The following PKHD1 variants were observed in gnomAD, a reference collection of about 807,000 sequenced individuals.
PKHD1 encodes the protein fibrocystin.
A neutral mutation model predicts 412.0 loss-of-function variants in PKHD1; 291 were observed. The observed-to-expected ratio is 0.71, with a 90% CI of 0.64 to 0.78. The LOEUF is 0.78. PKHD1 is among the 30% of genes least tolerant of loss of function. The pLI, the probability that PKHD1 is intolerant of heterozygous loss-of-function variation, is 0.00. For synonymous variants in PKHD1, 1,777 were observed against 1,821.5 expected (o/e 0.98, Z 0.62); for missense variants, 4,825 against 4,950.7 (o/e 0.97, Z 0.76).
chr6:51,976,777 G>A (rs560191427), intron 35 of PKHD1, among the ~76,000 whole-genome samples: 21 of 152,008 alleles, frequency 1.4e-4, no homozygotes, highest in African/African-American at 4.3e-4. Context: ...GTGAAACCCC[G>A]TTTCTACTAA....
At chr6:51,790,487 TG>T (rs1793571581) in intron 53 of PKHD1, among the ~76,000 whole-genome samples, 1 of 152,162 alleles carries the variant, frequency 6.6e-6, no homozygotes, top group Admixed American at 6.5e-5. Flanking sequence ...ACTGATTCTC[TG>T]GTCCTTCCAC....
chr6:51,829,947 T>C (rs1767964735), intron 52 of PKHD1, among the ~76,000 whole-genome samples: 1 of 152,182 alleles, frequency 6.6e-6, no homozygotes, highest in Non-Finnish European at 1.5e-5. Flanking sequence ...TTTCTCTGTC[T>C]GTAAAAGTGG....
rs757650951 is a variant in PKHD1 at position 51,754,805 on chromosome 6, G to C, written c.8776C>G (p.Arg2926Gly). The C allele has an allele frequency of 5.0e-6, 8 of 1,613,316 alleles. No individual in the cohort carries two copies. Among genetic ancestry groups the C allele is most frequent in the Non-Finnish European group, 6.8e-6 (8 of 1,179,566 alleles). ...VKGHHVRIYERLKHRHIGSVH... is the reference protein window; with the variant it reads ...VKGHHVRIYEGLKHRHIGSVH... ...TTACCAATATGCCGGTGTTTGAGCCGTTCATAGATCCTCACATGGTGGCCC... is the reference window on the plus strand; with the variant it reads ...TTACCAATATGCCGGTGTTTGAGCCCTTCATAGATCCTCACATGGTGGCCC... The change falls in exon 56 of 67, where the codon CGG (arginine) becomes GGG (glycine). Residue 2926 changes from arginine to glycine, a missense_variant. Coordinates refer to ENST00000371117, the MANE Select transcript of PKHD1 (RefSeq NM_138694.4).
intron 53 of PKHD1, among the ~76,000 whole-genome samples, chr6:51,783,102 G>A (rs1413633600): frequency 1.3e-5 from 2 of 152,052 alleles, no homozygotes; most frequent in African/African-American, 4.8e-5. Flanking sequence ...ACCCATCACT[G>A]ACCCTGAAAA....
intron 45 of PKHD1, among the ~76,000 whole-genome samples, chr6:51,884,528 T>TA (rs1164028019): frequency 6.6e-6 from 1 of 152,190 alleles, no homozygotes; most frequent in Non-Finnish European, 1.5e-5. Context: ...TTGCTGCTAT[T>TA]ATGTTACTTA....
In PKHD1 at chr6:51,903,975, T is replaced by C. The variant is rs1269428733; in HGVS notation, c.6865+11A>G. The C allele has an allele frequency of 6.6e-6, 10 of 1,526,454 alleles. No individual in the cohort carries two copies. Among genetic ancestry groups the C allele is most frequent in the Non-Finnish European group, 9.1e-6 (10 of 1,100,594 alleles). 94.6% of individuals were successfully genotyped at this position (1,526,454 alleles called of 1,614,324 possible). A position where few individuals can be genotyped will look rare whatever the true frequency, so the allele number is the denominator to read the frequency against. On this transcript the variant is annotated intron_variant, in intron 42 of 66. Coordinates refer to ENST00000371117, the MANE Select transcript of PKHD1 (RefSeq NM_138694.4). The stretch of plus-strand genomic sequence containing the variant: ...CACTGTAATAGATTTAAAATCAATT[T>C]ACATATTTACCATCTTTCCTTCCAT...
chr6:51,663,785 A>G (rs1461430447), intron 60 of PKHD1, among the ~76,000 whole-genome samples: 2 of 152,144 alleles, frequency 1.3e-5, no homozygotes, highest in Non-Finnish European at 2.9e-5. Flanking sequence ...CATCCTCTAA[A>G]TTGATTCTTA....
chr6:52,071,375 A>T (rs1810586941), intron 8 of PKHD1, among the ~76,000 whole-genome samples: 1 of 151,920 alleles, frequency 6.6e-6, no homozygotes, highest in Non-Finnish European at 1.5e-5. Context: ...CTTTATTTTT[A>T]AAAAATCTGT....
chr6:52,026,122 C>T lies in PKHD1; in HGVS notation c.3688G>A (p.Val1230Ile). 1 of 1,614,096 alleles carries T rather than the reference C, an allele frequency of 6.2e-7. No individual in the cohort carries two copies. The highest frequency in any genetic ancestry group is 1.3e-5 in the African/African-American group (1 of 75,022). ...GFSRDPALVW[V>I]LVGNRSCDIV... ...TCACAGGACCGATTGCCCACAAGTACCCAAACCAAAGCTGGGTCCCTGCTG... is the reference window on the plus strand; with the variant it reads ...TCACAGGACCGATTGCCCACAAGTATCCAAACCAAAGCTGGGTCCCTGCTG... The change falls in exon 32 of 67, where the codon GTA (valine) becomes ATA (isoleucine). Residue 1230 changes from valine (V) to isoleucine (I), a missense_variant. By Grantham distance (29) the Val-to-Ile change is conservative (BLOSUM62 3). Transcript: ENST00000371117.
chr6:51,849,835 C>A (rs1771870850), intron 49 of PKHD1, among the ~76,000 whole-genome samples: 1 of 152,122 alleles, frequency 6.6e-6, no homozygotes, highest in Non-Finnish European at 1.5e-5. Context: ...TTCTCCCATT[C>A]TGTAGGTTGC....
intron 5 of PKHD1, 87 bp downstream of exon 5, chr6:52,079,813 C>T (rs533961473): frequency 2.0e-5 from 16 of 806,352 alleles, no homozygotes; most frequent in Admixed American, 1.0e-4. Context: ...CAAGCAGACA[C>T]GCTGGCTCAT....
intron 25 of PKHD1, among the ~76,000 whole-genome samples, chr6:52,044,084 T>G (rs1805380510): frequency 6.6e-6 from 1 of 152,230 alleles, no homozygotes; most frequent in Non-Finnish European, 1.5e-5. Flanking sequence ...TGACAAGCTC[T>G]TTATTTGCTA....
chr6:52,068,660 G>A (rs1487681561), intron 11 of PKHD1, among the ~76,000 whole-genome samples: 4 of 152,162 alleles, frequency 2.6e-5, no homozygotes, highest in African/African-American at 9.7e-5. Context: ...CACTTAACAA[G>A]GTCTGACATT....
intron 60 of PKHD1, among the ~76,000 whole-genome samples, chr6:51,670,826 T>G (rs1485370584): frequency 6.6e-6 from 1 of 150,914 alleles, no homozygotes; most frequent in East Asian, 1.9e-4. Context: ...TGGCTGGATA[T>G]GAAATTCTGG....
intron 37 of PKHD1, among the ~76,000 whole-genome samples, chr6:51,926,591 A>G (rs1785664666): frequency 6.6e-6 from 1 of 152,170 alleles, no homozygotes; most frequent in African/African-American, 2.4e-5. Flanking sequence ...ATACATTTAC[A>G]TGCAAACACC....
chr6:51,715,857 G>A (rs780725959), intron 60 of PKHD1, among the ~76,000 whole-genome samples: 2 of 152,198 alleles, frequency 1.3e-5, no homozygotes, highest in Non-Finnish European at 2.9e-5. Context: ...GCATAGGAAT[G>A]AGAAACAGCA....
intron 29 of PKHD1, among the ~76,000 whole-genome samples, chr6:52,028,970 A>G (rs539872349): frequency 1.2e-4 from 18 of 152,238 alleles, no homozygotes; most frequent in Non-Finnish European, 2.6e-4. Context: ...AAAGAGCACC[A>G]CATATTGGTT....
chr6:51,649,126 C>T lies in PKHD1; in HGVS notation c.11269G>A (p.Glu3757Lys), dbSNP rs1770527446. 6.2e-7 allele frequency: 1 copy of T among 1,613,894 alleles called. No individual in the cohort carries two copies. The highest frequency in any genetic ancestry group is 1.1e-5 in the South Asian group (1 of 91,074). ...VQPSDGEVGN[E>K]LPVQPQLVFL... ...ACCAATTGTGGCTGCACTGGAAGCTCATTTCCCACTTCTCCATCTGAAGGC... is the reference window on the plus strand; with the variant it reads ...ACCAATTGTGGCTGCACTGGAAGCTTATTTCCCACTTCTCCATCTGAAGGC... The change falls in exon 62 of 67, where the codon GAG (glutamate) becomes AAG (lysine). Residue 3757 changes from glutamate to lysine, a missense_variant. Transcript: ENST00000371117.
intron 48 of PKHD1, among the ~76,000 whole-genome samples, chr6:51,858,321 C>A (rs1773626246): frequency 6.6e-6 from 1 of 152,154 alleles, no homozygotes; most frequent in Non-Finnish European, 1.5e-5. Flanking sequence ...CTCTCTTCCC[C>A]TGATGGAAAC....
Sources: gnomAD v4.1 joint callset for allele counts (sites outside exome capture counted in the v4.1 genomes callset) on GRCh38, gnomAD v4.1.1 for gene constraint, MANE v1.5 for transcripts, NCBI Gene and HGNC (gene_info 2026-07-23, HGNC 2026-07-21) for gene names.